The following ADORA2B variants were observed in gnomAD, a reference collection of about 807,000 sequenced individuals.
ADORA2B encodes adenosine A2b receptor.
In ADORA2B, 18 loss-of-function variants were observed where a neutral mutation model predicts 20.8. The observed-to-expected ratio is 0.87, with a 90% CI of 0.60 to 1.29. The LOEUF is 1.29. ADORA2B is among the 50% of genes most tolerant of loss of function. The probability of loss-of-function intolerance (pLI) is 0.00; values close to 1 mark genes in which losing one functional copy is unlikely to be tolerated. For missense variants in ADORA2B, 441 were observed against 422.7 expected (o/e 1.04, Z -0.38); for synonymous variants, 179 against 178.3 (o/e 1.00, Z -0.03).
At chr17:15,887,735 C>G in the ADORA2B span, among the ~76,000 whole-genome samples, 3 of 125,366 alleles carry the variant, frequency 2.4e-5, 1 homozygote, top group Admixed American at 1.6e-4. Flanking sequence ...ATCATGAGGT[C>G]AGGAGATTGA....
chr17:15,927,867 G>A, the ADORA2B span, among the ~76,000 whole-genome samples: 2 of 152,296 alleles, frequency 1.3e-5, no homozygotes, highest in South Asian at 4.1e-4. Context: ...CAACATCCAA[G>A]TGGAGAAGGT....
the ADORA2B span, among the ~76,000 whole-genome samples, chr17:15,903,221 C>T: frequency 6.6e-6 from 1 of 152,160 alleles, no homozygotes; most frequent in Non-Finnish European, 1.5e-5. Flanking sequence ...TTGCAAGAAA[C>T]ATGGCATCAA....
At chr17:15,915,041 C>G in the ADORA2B span, among the ~76,000 whole-genome samples, 22 of 152,330 alleles carry the variant, frequency 1.4e-4, no homozygotes, top group African/African-American at 5.3e-4. Flanking sequence ...CTTGGTATCT[C>G]ACAGTCCTGG....
chr17:15,899,595 C>T, the ADORA2B span, among the ~76,000 whole-genome samples: 2 of 152,140 alleles, frequency 1.3e-5, no homozygotes, highest in Non-Finnish European at 2.9e-5. Context: ...TGCCTCTCTT[C>T]TTCCATTCCC....
At chr17:15,867,785 C>T in the ADORA2B span, among the ~76,000 whole-genome samples, 216 of 144,076 alleles carry the variant, frequency 1.5e-3, 2 homozygotes, top group African/African-American at 5.3e-3. Flanking sequence ...CCGCCCCGTC[C>T]GGGAGGTGAG....
chr17:15,958,715 T>C (rs1970000897), intron 1 of ADORA2B, among the ~76,000 whole-genome samples: 1 of 152,174 alleles, frequency 6.6e-6, no homozygotes, highest in Non-Finnish European at 1.5e-5. Flanking sequence ...TGACCTTCTC[T>C]CTATCTCTTT....
chr17:15,880,608 G>A, the ADORA2B span, among the ~76,000 whole-genome samples: 5 of 147,564 alleles, frequency 3.4e-5, no homozygotes, highest in African/African-American at 1.3e-4. Flanking sequence ...GAGGAGTTGG[G>A]GTCGGACAGC....
the ADORA2B span, among the ~76,000 whole-genome samples, chr17:15,856,175 A>C: frequency 1.3e-5 from 2 of 151,352 alleles, no homozygotes; most frequent in Non-Finnish European, 2.9e-5. Context: ...ACGAGATCTG[A>C]TGGTTTTATA....
chr17:15,890,264 C>T, the ADORA2B span, among the ~76,000 whole-genome samples: 9 of 128,716 alleles, frequency 7.0e-5, 3 homozygotes, highest in African/African-American at 9.9e-5. Flanking sequence ...AACATCTTTT[C>T]GTACATTTCA....
At chr17:15,958,258 T>C (rs1969994978) in intron 1 of ADORA2B, among the ~76,000 whole-genome samples, 1 of 152,222 alleles carries the variant, frequency 6.6e-6, no homozygotes, top group Non-Finnish European at 1.5e-5. Flanking sequence ...CGTCAGGTGA[T>C]CTGCCCACCT....
chr17:15,859,453 T>C, the ADORA2B span, among the ~76,000 whole-genome samples: 22 of 151,132 alleles, frequency 1.5e-4, no homozygotes, highest in South Asian at 4.4e-3. Flanking sequence ...TACCCATAAT[T>C]GGTGGCTGTG....
chr17:15,858,217 C>G, the ADORA2B span, among the ~76,000 whole-genome samples: 1 of 152,102 alleles, frequency 6.6e-6, no homozygotes, highest in Non-Finnish European at 1.5e-5. Flanking sequence ...ATTGTACGCT[C>G]TCATGAACAG....
the ADORA2B span, among the ~76,000 whole-genome samples, chr17:15,931,325 A>T: frequency 1.3e-5 from 2 of 152,152 alleles, no homozygotes; most frequent in African/African-American, 4.8e-5. Context: ...TCTTCATCTT[A>T]CTCCAGAAGG....
At chr17:15,883,647 C>T in the ADORA2B span, among the ~76,000 whole-genome samples, 1 of 152,200 alleles carries the variant, frequency 6.6e-6, no homozygotes, top group Non-Finnish European at 1.5e-5. Flanking sequence ...TCAAAGGGCA[C>T]ATGCCGTATG....
chr17:15,945,357 ACT>A lies in ADORA2B; in HGVS notation c.112_113del (p.Leu38AlafsTer36), dbSNP rs1567775256. ...LVCAAVGTAN[T>X]LQTPTNYFLV... Reference sequence around the variant, plus strand: ...GTGCGCCGCGGTGGGCACGGCGAACACTCTGCAGACGCCCACCAACTACTTCC... The same window carrying A: ...GTGCGCCGCGGTGGGCACGGCGAACACTGCAGACGCCCACCAACTACTTCC... On this transcript the variant is annotated frameshift_variant, in exon 1 of 2. Coordinates refer to ENST00000304222, the MANE Select transcript of ADORA2B (RefSeq NM_000676.4). LOFTEE classifies it high-confidence loss of function. The A allele has an allele frequency of 1.2e-6, 2 of 1,610,308 alleles. No homozygotes were observed. The highest frequency in any genetic ancestry group is 2.2e-5 in the East Asian group (1 of 44,818).
At chr17:15,862,146 TA>T in the ADORA2B span, among the ~76,000 whole-genome samples, 2 of 151,922 alleles carry the variant, frequency 1.3e-5, no homozygotes, top group Admixed American at 6.6e-5. Flanking sequence ...AAGTTATAGC[TA>T]ACACCTGGCA....
chr17:15,895,469 G>A, the ADORA2B span, among the ~76,000 whole-genome samples: 41 of 152,244 alleles, frequency 2.7e-4, no homozygotes, highest in East Asian at 1.9e-4. Flanking sequence ...GCAGGCAGGC[G>A]GTTGCACAGC....
intron 1 of ADORA2B, among the ~76,000 whole-genome samples, chr17:15,948,164 C>A (rs1214873680): frequency 6.7e-6 from 1 of 148,662 alleles, no homozygotes; most frequent in Admixed American, 6.8e-5. Context: ...TTCGAGGGCT[C>A]CAAGTGTGAG....
the ADORA2B span, among the ~76,000 whole-genome samples, chr17:15,921,470 AT>A: frequency 6.6e-6 from 1 of 152,232 alleles, no homozygotes; most frequent in African/African-American, 2.4e-5. Flanking sequence ...ATTTTCTGTA[AT>A]CGTGTAAATG....
Sources: gnomAD v4.1 joint callset for allele counts (sites outside exome capture counted in the v4.1 genomes callset) on GRCh38, gnomAD v4.1.1 for gene constraint, MANE v1.5 for transcripts, NCBI Gene and HGNC (gene_info 2026-07-23, HGNC 2026-07-21) for gene names.